Variants in BBS9 observed in about 807,000 individuals in gnomAD.
The protein encoded by BBS9 is protein PTHB1.
BBS9 carries 89 observed loss-of-function variants against 117.7 expected under a neutral mutation model. The ratio of observed to expected loss-of-function variants is 0.76; its 90% confidence interval spans 0.64 to 0.90. BBS9 has a LOEUF of 0.90. BBS9 is among the 40% of genes least tolerant of loss of function. The pLI is 0.00. For missense variants in BBS9, 982 were observed against 1,042.2 expected (o/e 0.94, Z 0.80); for synonymous variants, 379 against 370.9 (o/e 1.02, Z -0.25).
At chr7:33,631,541 G>A (rs978514848) in intron 21 of BBS9, among the ~76,000 whole-genome samples, 2 of 152,144 alleles carry the variant, frequency 1.3e-5, no homozygotes, top group African/African-American at 4.8e-5. Context: ...TAGAAAGCAG[G>A]GCCAAGCATG....
chr7:33,469,992 G>A (rs1840748779), intron 19 of BBS9, among the ~76,000 whole-genome samples: 3 of 152,168 alleles, frequency 2.0e-5, no homozygotes, highest in South Asian at 4.2e-4. Flanking sequence ...ACTATTAATA[G>A]CAGATGTTGC....
At position 33,456,749 on chromosome 7, in the gene BBS9, C is replaced by T. The variant is rs116875757; in HGVS notation, c.2116-48714C>T. On this transcript the variant is annotated intron_variant, in intron 19 of 22. Coordinates refer to ENST00000242067, the MANE Select transcript of BBS9 (RefSeq NM_198428.3). Reference sequence around the variant, plus strand: ...TGTAGGATGCTACTAAATAATATCCCTACATCTCTTACAGAGTGTCAGATG... The same window carrying T: ...TGTAGGATGCTACTAAATAATATCCTTACATCTCTTACAGAGTGTCAGATG... Among the ~76,000 whole-genome samples, 167 of 152,222 alleles carry T rather than the reference C, an allele frequency of 1.1e-3. 3 individuals carry two copies. In the East Asian group the frequency reaches 0.027, roughly 25 times the overall value.
intron 20 of BBS9, among the ~76,000 whole-genome samples, chr7:33,516,228 C>T (rs545577098): frequency 1.1e-4 from 17 of 152,186 alleles, no homozygotes; most frequent in African/African-American, 3.4e-4. Context: ...CGGTGGCTCA[C>T]ACCTGTAATC....
intron 1 of BBS9, among the ~76,000 whole-genome samples, chr7:33,134,987 G>A (rs889419055): frequency 2.0e-5 from 3 of 152,096 alleles, no homozygotes; most frequent in Non-Finnish European, 4.4e-5. Context: ...CAGCCTTCCA[G>A]TGTCAAGCAA....
Position 33,569,850 on chromosome 7 carries a change from G to A in BBS9, c.2522-35015G>A, listed in dbSNP as rs376418695. Among the ~76,000 whole-genome samples, 3 of 152,302 alleles carry A rather than the reference G, an allele frequency of 2.0e-5. No homozygotes were observed. In the East Asian group the frequency reaches 5.8e-4, roughly 29 times the overall value. On this transcript the variant is annotated intron_variant, in intron 21 of 22. Coordinates refer to ENST00000242067, the MANE Select transcript of BBS9 (RefSeq NM_198428.3). ...CATACATAATACATGATATTCCCTA[G>A]CTCTGTCTGAAGAGGACCTGGGAAC...
At chr7:33,574,064 A>T (rs1401190904) in intron 21 of BBS9, among the ~76,000 whole-genome samples, 1 of 152,156 alleles carries the variant, frequency 6.6e-6, no homozygotes, top group Non-Finnish European at 1.5e-5. Flanking sequence ...CCACAGGCTT[A>T]CCTGATATCA....
intron 21 of BBS9, among the ~76,000 whole-genome samples, chr7:33,544,694 C>A (rs369433927): frequency 6.6e-6 from 1 of 152,230 alleles, no homozygotes; most frequent in East Asian, 1.9e-4. Context: ...TGGTACTTTC[C>A]AGAAAGCATC....
At chr7:33,448,293 G>A (rs941502567) in intron 19 of BBS9, among the ~76,000 whole-genome samples, 2 of 152,122 alleles carry the variant, frequency 1.3e-5, no homozygotes, top group Non-Finnish European at 2.9e-5. Flanking sequence ...CCTTTCTGAT[G>A]TATATTCTAT....
rs538073748 is a variant in BBS9 at position 33,175,882 on chromosome 7, T to G, written c.329-1596T>G. Among the ~76,000 whole-genome samples the G allele has an allele frequency of 1.8e-3, 267 of 152,302 alleles. 1 individual carries two copies. The highest frequency in any genetic ancestry group is 6.2e-3 in the African/African-American group (256 of 41,566). On this transcript the variant is annotated intron_variant, in intron 4 of 22. Transcript: ENST00000242067. The stretch of plus-strand genomic sequence containing the variant: ...ATAAGGAGTGACTCAAAAGGGTAGT[T>G]GGACCTTGGGCTAACATAGCATTTT...
At chr7:33,297,750 T>C (rs1805567984) in intron 9 of BBS9, among the ~76,000 whole-genome samples, 1 of 152,180 alleles carries the variant, frequency 6.6e-6, no homozygotes, top group South Asian at 2.1e-4. Context: ...ACTTCTGAGA[T>C]AGGTTGGTCA....
intron 21 of BBS9, among the ~76,000 whole-genome samples, chr7:33,559,083 A>C (rs1172821571): frequency 6.6e-6 from 1 of 152,164 alleles, no homozygotes; most frequent in Non-Finnish European, 1.5e-5. Context: ...CTTAAGCGTA[A>C]GTGGTCATAG....
chr7:33,169,137 A>T (rs570646593), intron 4 of BBS9, among the ~76,000 whole-genome samples: 1 of 145,234 alleles, frequency 6.9e-6, no homozygotes, highest in African/African-American at 2.5e-5. Context: ...AAAGGACATG[A>T]ACTCATCATT....
At chr7:33,542,953 T>C (rs1432335035) in intron 21 of BBS9, among the ~76,000 whole-genome samples, 1 of 152,112 alleles carries the variant, frequency 6.6e-6, no homozygotes, top group Non-Finnish European at 1.5e-5. Context: ...AAATAATGAC[T>C]TCTTTTCCTC....
intron 21 of BBS9, among the ~76,000 whole-genome samples, chr7:33,625,454 C>T (rs1865594240): frequency 6.6e-6 from 1 of 152,088 alleles, no homozygotes; most frequent in South Asian, 2.1e-4. Flanking sequence ...AGGTGGAAGA[C>T]TTAAGGAAAT....
chr7:33,628,108 A>G (rs770785229), intron 21 of BBS9, among the ~76,000 whole-genome samples: 7 of 152,226 alleles, frequency 4.6e-5, no homozygotes, highest in Non-Finnish European at 8.8e-5. Context: ...AGACATATCA[A>G]TCCTACACAA....
intron 21 of BBS9, among the ~76,000 whole-genome samples, chr7:33,566,674 T>G (rs1463443674): frequency 2.0e-5 from 3 of 152,132 alleles, no homozygotes; most frequent in Admixed American, 6.6e-5. Flanking sequence ...TTTTTATTTT[T>G]TTAACAAGGT....
chr7:33,290,942 T>G lies in BBS9; in HGVS notation c.1016+16986T>G, dbSNP rs549155714. 6.6e-5 allele frequency among the ~76,000 whole-genome samples: 10 copies of G among 152,288 alleles called. No homozygotes were observed. In the South Asian group the frequency reaches 2.1e-3, roughly 32 times the overall value. On this transcript the variant is annotated intron_variant, in intron 9 of 22. Coordinates refer to ENST00000242067, the MANE Select transcript of BBS9 (RefSeq NM_198428.3). ...TGCTGTTTCCTACTCAAAAATTACT[T>G]TAAAGAAAAAAGTATTAGTTATTTA...
At chr7:33,167,870 T>G (rs1380543376) in intron 4 of BBS9, among the ~76,000 whole-genome samples, 1 of 152,172 alleles carries the variant, frequency 6.6e-6, no homozygotes, top group Non-Finnish European at 1.5e-5. Context: ...GCGTTAAAAT[T>G]AAGCAATTAA....
intron 21 of BBS9, among the ~76,000 whole-genome samples, chr7:33,616,196 AAAT>A (rs1167206652): frequency 1.6e-5 from 2 of 123,590 alleles, no homozygotes; most frequent in Non-Finnish European, 3.1e-5. Flanking sequence ...TGTTTATTCA[AAAT>A]AATAAACAAT....
Sources: gnomAD v4.1 joint callset for allele counts (sites outside exome capture counted in the v4.1 genomes callset) on GRCh38, gnomAD v4.1.1 for gene constraint, MANE v1.5 for transcripts, NCBI Gene and HGNC (gene_info 2026-07-23, HGNC 2026-07-21) for gene names.